COMMD1: variants seen among roughly 807,000 people sequenced by gnomAD.
COMMD1 encodes the protein copper metabolism domain containing 1.
Under a neutral mutation model 17.2 loss-of-function variants are expected in COMMD1, and 10 were observed. The ratio of observed to expected loss-of-function variants is 0.58; its 90% CI spans 0.36 to 0.99. COMMD1 has a LOEUF of 0.99. Ranked by LOEUF, COMMD1 falls within the 50% of genes least tolerant of loss-of-function variation. COMMD1 has a pLI of 0.01. For missense variants in COMMD1, 270 were observed against 231.8 expected, an observed-to-expected ratio of 1.17 and a Z score of -1.07; for synonymous variants, 97 against 91.6, an observed-to-expected ratio of 1.06 and a Z score of -0.34.
chr2:61,974,961 A>G (rs972217456), intron 1 of COMMD1, among the ~76,000 whole-genome samples: 2 of 151,844 alleles, frequency 1.3e-5, no homozygotes, highest in Non-Finnish European at 2.9e-5. Context: ...CCTGGCAATC[A>G]CTGATCTCTT....
chr2:61,999,510 A>G (rs1007902582), intron 1 of COMMD1, among the ~76,000 whole-genome samples: 6 of 152,228 alleles, frequency 3.9e-5, no homozygotes, highest in African/African-American at 1.2e-4. Context: ...GTTGAAGTAT[A>G]TCAAACCAAG....
chr2:61,990,615 G>A (rs1001132561), intron 1 of COMMD1, among the ~76,000 whole-genome samples: 1 of 152,142 alleles, frequency 6.6e-6, no homozygotes, highest in Non-Finnish European at 1.5e-5. Context: ...CCATGTGGCC[G>A]GAGAGGCCTC....
At chr2:62,121,854 C>T (rs1226514600) in intron 2 of COMMD1, among the ~76,000 whole-genome samples, 1 of 152,130 alleles carries the variant, frequency 6.6e-6, no homozygotes, top group Admixed American at 6.5e-5. Flanking sequence ...TGCAGTGGCA[C>T]AATCACAGCT....
intron 1 of COMMD1, among the ~76,000 whole-genome samples, chr2:61,925,196 GGA>G (rs1229229888): frequency 1.3e-5 from 2 of 151,674 alleles, no homozygotes; most frequent in Non-Finnish European, 2.9e-5. Context: ...AGAGAGTGGG[GGA>G]GAGAGAGAGT....
intron 2 of COMMD1, among the ~76,000 whole-genome samples, chr2:62,009,215 A>G (rs186348169): frequency 6.6e-6 from 1 of 152,224 alleles, no homozygotes; most frequent in African/African-American, 2.4e-5. Flanking sequence ...GAAGTGTTCC[A>G]TAATAGTTTG....
intron 2 of COMMD1, among the ~76,000 whole-genome samples, chr2:62,059,243 C>T (rs896834878): frequency 1.3e-5 from 2 of 152,030 alleles, no homozygotes; most frequent in Non-Finnish European, 2.9e-5. Flanking sequence ...GCAGCCTCTA[C>T]CTCCTGGGCT....
intron 2 of COMMD1, among the ~76,000 whole-genome samples, chr2:62,099,943 T>C (rs1001518010): frequency 6.6e-6 from 1 of 152,096 alleles, no homozygotes; most frequent in Non-Finnish European, 1.5e-5. Flanking sequence ...GAACTCACTC[T>C]CTCATTTGCT....
chr2:61,962,106 G>A (rs1444250362), intron 1 of COMMD1, among the ~76,000 whole-genome samples: 7 of 152,164 alleles, frequency 4.6e-5, no homozygotes, highest in Non-Finnish European at 8.8e-5. Flanking sequence ...GGCCTTGTGA[G>A]TATGGGCATA....
chr2:62,017,660 G>A (rs1304388853), intron 2 of COMMD1, among the ~76,000 whole-genome samples: 1 of 149,530 alleles, frequency 6.7e-6, no homozygotes. Flanking sequence ...ACAAGAGTGA[G>A]ACCCTGTCTC....
At chr2:62,119,467 AC>A (rs1366563432) in intron 2 of COMMD1, among the ~76,000 whole-genome samples, 1 of 151,954 alleles carries the variant, frequency 6.6e-6, no homozygotes, top group Non-Finnish European at 1.5e-5. Context: ...ATACAACTCC[AC>A]CCCAGCCAAA....
At chr2:61,956,565 A>G (rs1315573632) in intron 1 of COMMD1, among the ~76,000 whole-genome samples, 1 of 151,738 alleles carries the variant, frequency 6.6e-6, no homozygotes, top group Non-Finnish European at 1.5e-5. Flanking sequence ...GCGCACCACC[A>G]CGCCTGGCTA....
chr2:62,009,366 C>T (rs955505172), intron 2 of COMMD1, among the ~76,000 whole-genome samples: 5 of 151,806 alleles, frequency 3.3e-5, no homozygotes, highest in East Asian at 3.9e-4. Context: ...GCACTTTGGG[C>T]GACTGAGGCG....
intron 1 of COMMD1, among the ~76,000 whole-genome samples, chr2:61,922,304 G>A (rs1670220025): frequency 6.6e-6 from 1 of 152,124 alleles, no homozygotes; most frequent in South Asian, 2.1e-4. Context: ...TTATAGGATT[G>A]TGGCAGTTTT....
intron 2 of COMMD1, among the ~76,000 whole-genome samples, chr2:62,017,014 A>G (rs1669468503): frequency 6.6e-6 from 1 of 152,294 alleles, no homozygotes; most frequent in African/African-American, 2.4e-5. Context: ...ATGTTTCTGA[A>G]TTTTCTAGAT....
At chr2:62,076,765 G>A (rs902923584) in intron 2 of COMMD1, among the ~76,000 whole-genome samples, 6 of 152,062 alleles carry the variant, frequency 3.9e-5, no homozygotes, top group Non-Finnish European at 8.8e-5. Context: ...AGAAAGAGTA[G>A]TAAAAACAAA....
At chr2:62,135,097 C>T (rs1353998170) in intron 2 of COMMD1, among the ~76,000 whole-genome samples, 1 of 152,180 alleles carries the variant, frequency 6.6e-6, no homozygotes, top group Non-Finnish European at 1.5e-5. Flanking sequence ...ACAGTATGGA[C>T]TTCGGCGTCA....
chr2:62,093,388 C>G (rs1441153008), intron 2 of COMMD1, among the ~76,000 whole-genome samples: 2 of 152,116 alleles, frequency 1.3e-5, no homozygotes, highest in Non-Finnish European at 2.9e-5. Flanking sequence ...ATTGTTTTCC[C>G]ATGATACTAT....
chr2:62,115,313 T>C lies in COMMD1; in HGVS notation c.463-20518T>C, dbSNP rs1168368890. On this transcript the variant is annotated intron_variant, in intron 2 of 2. Coordinates refer to ENST00000311832, the MANE Select transcript of COMMD1 (RefSeq NM_152516.4). Reference sequence around the variant, plus strand: ...ATAGATTAGGCACACGCACACATAGTGTGCAATATTTCTCACATTTTTAAG... The same window carrying C: ...ATAGATTAGGCACACGCACACATAGCGTGCAATATTTCTCACATTTTTAAG... Among the ~76,000 whole-genome samples, 3 of 152,246 alleles carry C rather than the reference T, an allele frequency of 2.0e-5. No individual in the cohort carries two copies. The East Asian group carries it at 5.8e-4, about 29-fold the overall frequency.
intron 2 of COMMD1, among the ~76,000 whole-genome samples, chr2:62,123,798 C>A (rs1385179872): frequency 6.6e-6 from 1 of 151,844 alleles, no homozygotes; most frequent in Non-Finnish European, 1.5e-5. Context: ...GTTCATTCTT[C>A]CTGGGAGAAA....
Sources: allele counts gnomAD v4.1 joint callset (sites outside exome capture counted in the v4.1 genomes callset), GRCh38; gene constraint gnomAD v4.1.1; transcripts MANE v1.5; gene names NCBI Gene and HGNC (gene_info 2026-07-23, HGNC 2026-07-21).